The following YEATS2 variants were observed in gnomAD, a reference collection of about 807,000 sequenced individuals.
The protein encoded by YEATS2 is YEATS domain-containing protein 2.
In YEATS2, 77 loss-of-function variants were observed where a neutral mutation model predicts 163.2. That is an observed-to-expected ratio of 0.47 (90% CI 0.39 to 0.57). The LOEUF (loss-of-function observed/expected upper bound fraction) is 0.57, where lower values mean the gene tolerates loss of function less well. Ranked by LOEUF, YEATS2 falls within the 20% of genes least tolerant of loss-of-function variation. The probability of loss-of-function intolerance (pLI) is 0.00; values close to 1 mark genes in which losing one functional copy is unlikely to be tolerated. For missense variants in YEATS2, 1,549 were observed against 1,729.8 expected (o/e 0.90, Z 1.85); for synonymous variants, 631 against 645.1 (o/e 0.98, Z 0.33).
At chr3:183,760,713 T>C (rs1261610602) in intron 13 of YEATS2, among the ~76,000 whole-genome samples, 1 of 152,246 alleles carries the variant, frequency 6.6e-6, no homozygotes, top group Non-Finnish European at 1.5e-5. Flanking sequence ...TTTTTAAGTT[T>C]TTATTGAAAA....
At chr3:183,748,882 A>T (rs991308807) in intron 9 of YEATS2, among the ~76,000 whole-genome samples, 1 of 152,154 alleles carries the variant, frequency 6.6e-6, no homozygotes, top group African/African-American at 2.4e-5. Flanking sequence ...TACAGGCATG[A>T]GTCACTGCGC....
At chr3:183,710,523 T>C (rs1251031747) in intron 1 of YEATS2, among the ~76,000 whole-genome samples, 1 of 152,318 alleles carries the variant, frequency 6.6e-6, no homozygotes, top group Admixed American at 6.5e-5. Flanking sequence ...AGCTCAAATA[T>C]ATGCCCACAT....
chr3:183,730,891 C>A (rs1293253932), intron 7 of YEATS2, among the ~76,000 whole-genome samples: 2 of 151,918 alleles, frequency 1.3e-5, no homozygotes, highest in African/African-American at 4.8e-5. Context: ...AGAGAATATA[C>A]GTATATAAGA....
At chr3:183,735,555 G>A (rs1211145984) in intron 7 of YEATS2, among the ~76,000 whole-genome samples, 2 of 152,012 alleles carry the variant, frequency 1.3e-5, no homozygotes, top group African/African-American at 4.8e-5. Flanking sequence ...CCTGTCCTGG[G>A]CTCCGTTGTT....
chr3:183,754,297 A>T lies in YEATS2; in HGVS notation c.1322A>T (p.Gln441Leu), dbSNP rs1720492316. The stretch of plus-strand genomic sequence containing the variant: ...AGCTGCAAAATTGTTCCACAAAGTC[A>T]GGTTCCTAATCCTGAGTCACCTGGA... ...ASSCKIVPQS[Q>L]VPNPESPGKS... Residue 441 changes from glutamine to leucine, a missense_variant, in exon 11 of 31, where the codon CAG becomes CTG. Gln to Leu is a moderately radical substitution (Grantham distance 113, BLOSUM62 -2). Coordinates refer to ENST00000305135, the MANE Select transcript of YEATS2 (RefSeq NM_018023.5). The T allele has an allele frequency of 1.2e-6, 2 of 1,614,070 alleles. No individual in the cohort carries two copies. Among genetic ancestry groups the T allele is most frequent in the African/African-American group, 1.3e-5 (1 of 74,942 alleles).
At position 183,805,645 on chromosome 3, in the gene YEATS2, C is replaced by T. The variant is rs976531675; in HGVS notation, c.3785-1221C>T. Among the ~76,000 whole-genome samples the T allele has an allele frequency of 7.9e-5, 12 of 152,022 alleles. No homozygotes were observed. In the East Asian group the frequency reaches 1.2e-3, roughly 15 times the overall value. On this transcript the variant is annotated intron_variant, in intron 27 of 30. Transcript: ENST00000305135. ...CTCTACAAAAAATGCAAAAATTAGC[C>T]GGGCATGGTGGTGCATGCCTGTAGT... is the stretch of plus-strand genomic sequence containing the variant.
intron 28 of YEATS2, 87 bp downstream of exon 28, chr3:183,807,179 G>C: frequency 2.5e-6 from 3 of 1,221,022 alleles, no homozygotes; most frequent in South Asian, 1.4e-5. Context: ...CCAGACCCAG[G>C]TGTTCAGCCT....
At chr3:183,741,644 T>C (rs1484119569) in intron 8 of YEATS2, among the ~76,000 whole-genome samples, 2 of 151,724 alleles carry the variant, frequency 1.3e-5, no homozygotes, top group African/African-American at 4.8e-5. Flanking sequence ...TAGCTGGGCG[T>C]GGTGGGTCAC....
intron 6 of YEATS2, among the ~76,000 whole-genome samples, chr3:183,725,809 T>A (rs962548061): frequency 1.3e-5 from 2 of 152,220 alleles, no homozygotes; most frequent in African/African-American, 2.4e-5. Flanking sequence ...GAAACCAGAT[T>A]CTTCTCCCTG....
rs748017835 is a variant in YEATS2 at position 183,700,598 on chromosome 3, C to CTT, written c.-20+2622_-20+2623dup. The stretch of plus-strand genomic sequence containing the variant: ...TTTTTCTTTTTCTTTTCTTTTCTTT[C>CTT]TTTTTTTTTTTTTTTTTTGAGACAG... On this transcript the variant is annotated intron_variant, in intron 1 of 30. Coordinates refer to ENST00000305135, the MANE Select transcript of YEATS2 (RefSeq NM_018023.5). 1.2e-3 allele frequency among the ~76,000 whole-genome samples: 156 copies of CTT among 126,590 alleles called. 2 individuals carry two copies. The highest frequency in any genetic ancestry group is 1.5e-3 in the Non-Finnish European group (91 of 60,934). 83.0% of individuals were successfully genotyped at this position (126,590 alleles called of 152,430 possible).
chr3:183,717,802 C>T (rs1323880810), intron 3 of YEATS2, 54 bp downstream of exon 3: 2 of 1,078,618 alleles, frequency 1.9e-6, no homozygotes, highest in African/African-American at 1.7e-5. Flanking sequence ...AAAATGTATA[C>T]ATGATTGAAA....
At chr3:183,790,270 T>G (rs1356083907) in intron 20 of YEATS2, among the ~76,000 whole-genome samples, 1 of 152,234 alleles carries the variant, frequency 6.6e-6, no homozygotes, top group Non-Finnish European at 1.5e-5. Flanking sequence ...TGGTGACATT[T>G]GCCTGTGCTT....
At chr3:183,711,710 T>C (rs1715236730) in intron 1 of YEATS2, among the ~76,000 whole-genome samples, 1 of 152,136 alleles carries the variant, frequency 6.6e-6, no homozygotes, top group Admixed American at 6.6e-5. Context: ...GACTTCCATA[T>C]GTAACATTAC....
intron 27 of YEATS2, among the ~76,000 whole-genome samples, chr3:183,805,519 A>G (rs1726099574): frequency 6.6e-6 from 1 of 151,456 alleles, no homozygotes; most frequent in African/African-American, 2.4e-5. Context: ...TTTAAGACTT[A>G]GGGCCGGGCT....
chr3:183,746,911 T>C (rs1247761528), intron 8 of YEATS2, among the ~76,000 whole-genome samples: 1 of 152,100 alleles, frequency 6.6e-6, no homozygotes, highest in Non-Finnish European at 1.5e-5. Context: ...TCCCTCTCTT[T>C]TTTTTTTCTA....
intron 12 of YEATS2, among the ~76,000 whole-genome samples, chr3:183,757,566 T>C (rs1720900520): frequency 6.6e-6 from 1 of 152,104 alleles, no homozygotes; most frequent in Admixed American, 6.6e-5. Context: ...AGGCGTGAGC[T>C]ACCACGCCTG....
chr3:183,703,868 G>A (rs1714356515), intron 1 of YEATS2, among the ~76,000 whole-genome samples: 1 of 151,956 alleles, frequency 6.6e-6, no homozygotes, highest in African/African-American at 2.4e-5. Context: ...TCATTAAAAT[G>A]TTCCTAAAGG....
chr3:183,802,518 T>TATATATATACAC (rs1560335088), intron 25 of YEATS2: 8 of 141,420 alleles, frequency 5.7e-5, no homozygotes, highest in African/African-American at 2.5e-4. Flanking sequence ...TGTATACATG[T>TATATATATACAC]ATATATATAT....
chr3:183,805,961 C>T lies in YEATS2; in HGVS notation c.3785-905C>T, dbSNP rs946824770. On this transcript the variant is annotated intron_variant, in intron 27 of 30. Transcript: ENST00000305135. ...GAGCAGAGACCGTGTTAATGATCCC[C>T]GGGCTTCACTGACATTGTGTGGAAA... Among the ~76,000 whole-genome samples the T allele has an allele frequency of 5.9e-5, 9 of 151,996 alleles. 1 individual carries two copies. Among genetic ancestry groups the T allele is most frequent in the South Asian group, 2.1e-4 (1 of 4,810 alleles).
Sources: gnomAD v4.1 joint callset for allele counts (sites outside exome capture counted in the v4.1 genomes callset) on GRCh38, gnomAD v4.1.1 for gene constraint, MANE v1.5 for transcripts, NCBI Gene and HGNC (gene_info 2026-07-23, HGNC 2026-07-21) for gene names.